The following CSMD2 variants were observed in gnomAD, a reference collection of about 807,000 sequenced individuals.
The protein encoded by CSMD2 is CUB and sushi domain-containing protein 2.
CSMD2 carries 130 observed loss-of-function variants against 398.5 expected under a neutral mutation model. The ratio of observed to expected loss-of-function variants is 0.33; its 90% CI spans 0.28 to 0.38. CSMD2 has a LOEUF of 0.38. Among genes scored for constraint, CSMD2 ranks in the 10% least tolerant of loss-of-function variants. The pLI, the probability that CSMD2 is intolerant of heterozygous loss-of-function variation, is 1.00. For missense variants in CSMD2, 3,829 were observed against 4,764.9 expected (o/e 0.80, Z 5.78); for synonymous variants, 1,828 against 1,908.5 (o/e 0.96, Z 1.10).
intron 1 of CSMD2, among the ~76,000 whole-genome samples, chr1:34,100,053 C>T (rs1007524312): frequency 1.3e-5 from 2 of 152,192 alleles, no homozygotes. Context: ...TCTCTTCCTT[C>T]CAGAGGCAAC....
chr1:33,770,253 C>T (rs564316862), intron 13 of CSMD2, among the ~76,000 whole-genome samples: 1 of 152,310 alleles, frequency 6.6e-6, no homozygotes, highest in Non-Finnish European at 1.5e-5. Flanking sequence ...CATGAAAATC[C>T]AGAGAGAAGA....
chr1:34,064,875 T>G (rs1405687761), intron 2 of CSMD2, among the ~76,000 whole-genome samples: 1 of 152,128 alleles, frequency 6.6e-6, no homozygotes, highest in Admixed American at 6.5e-5. Flanking sequence ...CGAAAGGCAC[T>G]TCTTACATGG....
chr1:33,709,027 G>C (rs557155974), intron 22 of CSMD2, 62 bp downstream of exon 22: 3 of 1,376,232 alleles, frequency 2.2e-6, no homozygotes, highest in Admixed American at 4.3e-5. Flanking sequence ...AGACAAAGGA[G>C]TGAGTATTGA....
chr1:33,746,705 T>C lies in CSMD2; in HGVS notation c.1847-3099A>G, dbSNP rs563196827. Among the ~76,000 whole-genome samples the C allele has an allele frequency of 3.3e-5, 5 of 152,334 alleles. No individual in the cohort carries two copies. The South Asian group carries it at 8.3e-4, about 25-fold the overall frequency. ...CAGCAGAAATCTCATCTGATTCTGCTGAATCCCTAGTGGCTCCCACAATGC... is the reference window on the plus strand; with the variant it reads ...CAGCAGAAATCTCATCTGATTCTGCCGAATCCCTAGTGGCTCCCACAATGC... On this transcript the variant is annotated intron_variant, in intron 13 of 70. Transcript: ENST00000373381.
chr1:33,937,829 T>C (rs910529234), intron 3 of CSMD2, among the ~76,000 whole-genome samples: 2 of 152,228 alleles, frequency 1.3e-5, no homozygotes, highest in Non-Finnish European at 2.9e-5. Flanking sequence ...AAATGCTGCA[T>C]GCCTGGCACA....
At chr1:34,111,959 T>C (rs1483128023) in intron 1 of CSMD2, among the ~76,000 whole-genome samples, 2 of 151,930 alleles carry the variant, frequency 1.3e-5, no homozygotes, top group Non-Finnish European at 2.9e-5. Flanking sequence ...GAAAGGAACC[T>C]TATTTCAATA....
intron 3 of CSMD2, among the ~76,000 whole-genome samples, chr1:34,017,611 T>C (rs781323303): frequency 2.0e-5 from 3 of 152,146 alleles, no homozygotes; most frequent in Non-Finnish European, 2.9e-5. Context: ...TAGCCGAGTA[T>C]AGTGGTGCAC....
At chr1:34,069,658 T>C (rs941257322) in intron 2 of CSMD2, among the ~76,000 whole-genome samples, 1 of 152,108 alleles carries the variant, frequency 6.6e-6, no homozygotes, top group African/African-American at 2.4e-5. Flanking sequence ...GCTCTAGAAA[T>C]TTTAGAAGGC....
chr1:34,104,489 C>T (rs541876377), intron 1 of CSMD2, among the ~76,000 whole-genome samples: 10 of 152,302 alleles, frequency 6.6e-5, no homozygotes, highest in Non-Finnish European at 1.3e-4. Context: ...GACATCCAGA[C>T]GGAGATGGCC....
chr1:33,832,393 A>G (rs1394961649), intron 6 of CSMD2, among the ~76,000 whole-genome samples: 2 of 63,314 alleles, frequency 3.2e-5, no homozygotes, highest in Non-Finnish European at 5.1e-5. Flanking sequence ...GAAACTGAAC[A>G]ACCTGCACTG....
rs115188971 is a variant in CSMD2, at chr1:33,528,143, C to G, written c.10172-885G>C. Among the ~76,000 whole-genome samples the G allele has an allele frequency of 1.0e-3, 155 of 152,278 alleles. 1 individual carries two copies. The highest frequency in any genetic ancestry group is 3.6e-3 in the African/African-American group (149 of 41,562). ...CAAAGCAAAGGCAAAAGCTTTGGGC[C>G]TGGGCCAGACAGCCAAGGTTCAGGT... On this transcript the variant is annotated intron_variant, in intron 64 of 70. Coordinates refer to ENST00000373381, the MANE Select transcript of CSMD2 (RefSeq NM_001281956.2).
rs550469883 is a variant in CSMD2 at position 33,909,694 on chromosome 1, C to T, written c.920+8400G>A. On this transcript the variant is annotated intron_variant, in intron 5 of 70. Coordinates refer to ENST00000373381, the MANE Select transcript of CSMD2 (RefSeq NM_001281956.2). ...GAGATTTTCCCTATGAAAGACGATG[C>T]TGGTGCTCATTGTGAAGATGACCGC... 1.6e-4 allele frequency among the ~76,000 whole-genome samples: 24 copies of T among 152,282 alleles called. 1 individual carries two copies. In the South Asian group the frequency reaches 5.0e-3, roughly 32 times the overall value.
At chr1:33,808,819 A>T (rs923789122) in intron 10 of CSMD2, among the ~76,000 whole-genome samples, 19 of 151,976 alleles carry the variant, frequency 1.3e-4, no homozygotes, top group Non-Finnish European at 4.4e-5. Context: ...AAAGACTAAC[A>T]AATGTTAAAC....
At position 33,886,886 on chromosome 1, in the gene CSMD2, CCAT is replaced by C. The variant is rs780622284; in HGVS notation, c.920+31205_920+31207del. Among the ~76,000 whole-genome samples, 3 of 152,114 alleles carry C rather than the reference CCAT, an allele frequency of 2.0e-5. No individual in the cohort carries two copies. In the East Asian group the frequency reaches 5.8e-4, roughly 29 times the overall value. ...GTTTAGAGCTACTTTGTGCTGAGTGCCATCACTAGTTTGTTCTCACTCAGCCTT... is the reference window on the plus strand; with the variant it reads ...GTTTAGAGCTACTTTGTGCTGAGTGCCACTAGTTTGTTCTCACTCAGCCTT... On this transcript the variant is annotated intron_variant, in intron 5 of 70. Transcript: ENST00000373381.
intron 7 of CSMD2, among the ~76,000 whole-genome samples, chr1:33,824,548 T>C (rs1658560638): frequency 6.6e-6 from 1 of 152,182 alleles, no homozygotes; most frequent in Non-Finnish European, 1.5e-5. Flanking sequence ...CTTCTCCTGA[T>C]GTTCTCCCGG....
In CSMD2 at chr1:33,698,522, C is replaced by T. The variant is rs531302041; in HGVS notation, c.3925+231G>A. Among the ~76,000 whole-genome samples, 6 of 152,294 alleles carry T rather than the reference C, an allele frequency of 3.9e-5. No homozygotes were observed. In the South Asian group the frequency reaches 1.2e-3, roughly 32 times the overall value. ...GTGGTCCCACTTGCTAAATGTGCGA[C>T]AAAGGCAAGCCACCCGCCTGACTGC... On this transcript the variant is annotated intron_variant, in intron 24 of 70. Transcript: ENST00000373381.
intron 64 of CSMD2, among the ~76,000 whole-genome samples, chr1:33,532,619 G>A (rs111794465): frequency 7.2e-5 from 11 of 152,292 alleles, no homozygotes; most frequent in South Asian, 6.2e-4. Flanking sequence ...CATGCCTAGC[G>A]CAAGCATGGG....
At chr1:33,675,568 A>G (rs1644680333) in intron 25 of CSMD2, among the ~76,000 whole-genome samples, 1 of 152,238 alleles carries the variant, frequency 6.6e-6, no homozygotes, top group Admixed American at 6.5e-5. Flanking sequence ...AAACTATTCC[A>G]ATCAACAGAA....
chr1:34,059,494 C>A (rs1272438742), intron 2 of CSMD2, among the ~76,000 whole-genome samples: 1 of 152,184 alleles, frequency 6.6e-6, no homozygotes, highest in Non-Finnish European at 1.5e-5. Flanking sequence ...CTTATCAAAT[C>A]TGTAATCATT....
Sources: gnomAD v4.1 joint callset for allele counts (sites outside exome capture counted in the v4.1 genomes callset) on GRCh38, gnomAD v4.1.1 for gene constraint, MANE v1.5 for transcripts, NCBI Gene and HGNC (gene_info 2026-07-23, HGNC 2026-07-21) for gene names.